ZNF846: variants seen among roughly 807,000 people sequenced by gnomAD.
The protein encoded by ZNF846 is zinc finger protein 420 pseudogene.
Under a neutral mutation model 16.0 loss-of-function variants are expected in ZNF846, and 15 were observed. The ratio of observed to expected loss-of-function variants is 0.94; its 90% confidence interval spans 0.63 to 1.45. The LOEUF is 1.45. Ranked by LOEUF, ZNF846 falls within the 40% of genes most tolerant of loss-of-function variation. The pLI is 0.00. For missense variants in ZNF846, 714 were observed against 622.3 expected (o/e 1.15, Z -1.57); for synonymous variants, 229 against 212.0 (o/e 1.08, Z -0.70).
At chr19:9,751,508 T>C (rs569942314), downstream of ZNF846, among the ~76,000 whole-genome samples, 123 of 152,264 alleles carry the variant, frequency 8.1e-4, no homozygotes, top group Middle Eastern at 3.4e-3. Flanking sequence ...ATATTCCTTG[T>C]CCTGTGAATG....
intron 1 of ZNF846, among the ~76,000 whole-genome samples, chr19:9,766,898 CAAAA>C (rs939656218): frequency 2.2e-5 from 2 of 92,752 alleles, no homozygotes. Context: ...GACTCTGTCT[CAAAA>C]AAAAAAAAAA....
chr19:9,759,500 G>C (rs927434113), intron 5 of ZNF846, among the ~76,000 whole-genome samples: 4 of 151,652 alleles, frequency 2.6e-5, no homozygotes, highest in African/African-American at 9.8e-5. Context: ...CTATTCAGGA[G>C]GCTGAGGCTG....
At chr19:9,771,132 C>T (rs924238730), upstream of ZNF846, among the ~76,000 whole-genome samples, 23 of 151,906 alleles carry the variant, frequency 1.5e-4, no homozygotes, top group African/African-American at 5.1e-4. Context: ...CTTCTCCCAC[C>T]CTTCCCCCAG....
exon 3 of ZNF846, chr19:9,763,391 C>T: frequency 6.2e-7 from 1 of 1,609,670 alleles, no homozygotes; most frequent in Non-Finnish European, 8.5e-7. Context: ...CAGCCACATC[C>T]TCAAAGGTCA....
In ZNF846 at chr19:9,758,764, C is replaced by G. The variant is rs201960831; in HGVS notation, c.313G>C (p.Glu105Gln). ...AGTTTCTCTGCAGTATTGCTTCTCT[C>G]CTGTTGAGATATAAAAGATGAATAA... Residue 105 changes from glutamate to glutamine, a missense_variant and splice_region_variant, in exon 6 of 6, where the codon GAG becomes CAG. Transcript: ENST00000397902. 297 of 1,542,832 alleles carry G rather than the reference C, an allele frequency of 1.9e-4. No homozygotes were observed. Among genetic ancestry groups the G allele is most frequent in the Non-Finnish European group, 2.4e-4 (272 of 1,147,160 alleles).
chr19:9,763,609 T>A (rs2045266477), intron 2 of ZNF846: 1 of 437,454 alleles, frequency 2.3e-6, no homozygotes, highest in East Asian at 3.4e-5. Context: ...ACTAAACTGA[T>A]CTTCCTACAG....
downstream of ZNF846, chr19:9,752,080 A>C (rs1430546673): frequency 6.6e-6 from 1 of 151,022 alleles, no homozygotes; most frequent in East Asian, 2.0e-4. Context: ...GATTACATGC[A>C]TGAGTCACCA....
At chr19:9,756,341 G>GTATATA (rs1227501667), downstream of ZNF846, 7 of 64,722 alleles carry the variant, frequency 1.1e-4, no homozygotes, top group Admixed American at 2.3e-4. Flanking sequence ...GTGTGTGTGT[G>GTATATA]TGTGTATATA....
chr19:9,784,492 T>C (rs1037251138), intron 1 of ZNF846, among the ~76,000 whole-genome samples: 4 of 152,222 alleles, frequency 2.6e-5, no homozygotes, highest in African/African-American at 9.7e-5. Flanking sequence ...GTAAATAGAA[T>C]GTGCAATCGG....
chr19:9,765,276 G>A lies in ZNF846; in HGVS notation c.-85-241C>T, dbSNP rs868469583. ...TGTAATCCTAGCTACTCGGGAGGCC[G>A]AGGTGGGGGAATCACTTGAACCTGG... On this transcript the variant is annotated intron_variant, in intron 1 of 5. Coordinates refer to ENST00000397902, the Ensembl canonical transcript of ZNF846. Among the ~76,000 whole-genome samples, 16 of 152,290 alleles carry A rather than the reference G, an allele frequency of 1.1e-4. 1 individual carries two copies. In the Middle Eastern group the frequency reaches 0.014, roughly 129 times the overall value.
intron 1 of ZNF846, among the ~76,000 whole-genome samples, 159 bp from the exon 2 acceptor site, chr19:9,765,194 G>A (rs942655961): frequency 3.3e-5 from 5 of 151,956 alleles, no homozygotes; most frequent in Non-Finnish European, 5.9e-5. Flanking sequence ...CCAACAGGGT[G>A]AAACCCTGTC....
chr19:9,758,278 T>C (rs1335897758), exon 6 of ZNF846: 6 of 1,612,918 alleles, frequency 3.7e-6, no homozygotes, highest in Non-Finnish European at 5.1e-6. Flanking sequence ...TTAAGTCCTG[T>C]GGATTGAGTG....
At chr19:9,749,042 G>A (rs997202484), downstream of ZNF846, among the ~76,000 whole-genome samples, 8 of 151,924 alleles carry the variant, frequency 5.3e-5, no homozygotes, top group African/African-American at 9.7e-5. Flanking sequence ...CCCAACTCCC[G>A]TCCACCTGCA....
chr19:9,768,409 G>C (rs2145268659), exon 1 of ZNF846: 1 of 152,422 alleles, frequency 6.6e-6, no homozygotes, highest in Admixed American at 6.5e-5. Context: ...CTTTTAAACA[G>C]AGGGGCACGG....
chr19:9,775,425 G>A (rs560859026), intron 1 of ZNF846, among the ~76,000 whole-genome samples: 1 of 152,150 alleles, frequency 6.6e-6, no homozygotes, highest in African/African-American at 2.4e-5. Context: ...ACAGACAAAT[G>A]GGATAAAATG....
exon 1 of ZNF846, chr19:9,786,017 C>G (rs1042258829): frequency 3.3e-5 from 5 of 151,784 alleles, no homozygotes; most frequent in Non-Finnish European, 5.9e-5. Flanking sequence ...TGGCCACGCG[C>G]ACTTCTGATT....
upstream of ZNF846, among the ~76,000 whole-genome samples, chr19:9,770,292 G>C (rs1163174941): frequency 2.2e-5 from 3 of 133,362 alleles, no homozygotes; most frequent in African/African-American, 8.1e-5. Flanking sequence ...CTTTCTGTCT[G>C]TATAGATTGC....
At chr19:9,765,654 C>A (rs2045304050) in intron 1 of ZNF846, among the ~76,000 whole-genome samples, 1 of 152,188 alleles carries the variant, frequency 6.6e-6, no homozygotes, top group Non-Finnish European at 1.5e-5. Flanking sequence ...GCCTGGGTGA[C>A]AGAGCAAGAC....
rs773592846 is a variant in ZNF846, at chr19:9,759,905, C to T, written c.267G>A (p.Leu89=). The stretch of plus-strand genomic sequence containing the variant: ...ATCTTTCTGCAGAAATATCTTGCAG[C>T]AGTGGGGAGCCTTTGGTTTTGAGTT... The change falls in exon 5 of 6, where the codon CTG becomes CTA. Residue 89 remains leucine (L), a synonymous_variant. Transcript: ENST00000397902. The T allele has an allele frequency of 3.1e-6, 5 of 1,613,132 alleles. No homozygotes were observed. The South Asian group carries it at 5.5e-5, about 18-fold the overall frequency.
Sources: gnomAD v4.1 joint callset for allele counts (sites outside exome capture counted in the v4.1 genomes callset) on GRCh38, gnomAD v4.1.1 for gene constraint, MANE v1.5 for transcripts, NCBI Gene and HGNC (gene_info 2026-07-23, HGNC 2026-07-21) for gene names.